Variants in SLC37A1 observed in about 807,000 individuals in gnomAD.
SLC37A1 encodes glucose-6-phosphate exchanger SLC37A1.
A neutral mutation model predicts 75.3 loss-of-function variants in SLC37A1; 49 were observed. That is an observed-to-expected ratio of 0.65 (90% CI 0.52 to 0.83). The LOEUF is 0.83. SLC37A1 is among the 40% of genes least tolerant of loss of function. The pLI, the probability that SLC37A1 is intolerant of heterozygous loss-of-function variation, is 0.00. For missense variants in SLC37A1, 566 were observed against 695.0 expected (o/e 0.81, Z 2.09); for synonymous variants, 268 against 292.1 (o/e 0.92, Z 0.84).
rs1374348677 is a variant in SLC37A1 at position 42,547,066 on chromosome 21, T to C, written c.731-37T>C. On this transcript the variant is annotated intron_variant, in intron 8 of 19. Coordinates refer to ENST00000352133, the MANE Select transcript of SLC37A1 (RefSeq NM_001320537.2). This position sits in a 1 kb window ranked among gnomAD's most constrained non-coding sequence, Gnocchi z 6.1. ...AGCTTACTTGGCATTGCCATGGTGG[T>C]GGACCTGCTCAGCCTCACTCATGTT... 5 of 1,614,154 alleles carry C rather than the reference T, an allele frequency of 3.1e-6. No homozygotes were observed. In the South Asian group the frequency reaches 5.5e-5, roughly 18 times the overall value.
Position 42,579,813 on chromosome 21 carries a change from C to T in SLC37A1, c.1586+13C>T, listed in dbSNP as rs200383170. The stretch of plus-strand genomic sequence containing the variant: ...GGGACCAAGTTCCGTAAGTCCCACT[C>T]GGGCCCTGTCTCCGTGCGTGAAAGC... On this transcript the variant is annotated intron_variant, in intron 19 of 19. Coordinates refer to ENST00000352133, the MANE Select transcript of SLC37A1 (RefSeq NM_001320537.2). The T allele has an allele frequency of 6.2e-4, 1,004 of 1,613,742 alleles. No individual in the cohort carries two copies. The highest frequency in any genetic ancestry group is 1.0e-3 in the Admixed American group (63 of 60,006).
At position 42,543,300 on chromosome 21, in the gene SLC37A1, CAGA is replaced by C. The variant is rs2055327392; in HGVS notation, c.564-133_564-131del. ...TGAGCATCGCGAGTCCTGCATGGCA[CAGA>C]AGCAGGGTCTGCATGGCCCCCCGTT... On this transcript the variant is annotated intron_variant, in intron 7 of 19. Transcript: ENST00000352133. The C allele has an allele frequency of 3.4e-5, 34 of 993,574 alleles. No homozygotes were observed. In the East Asian group the frequency reaches 8.1e-4, roughly 24 times the overall value. The allele number at this position is 993,574 out of a possible 1,614,324, so 61.5% of individuals were successfully genotyped here. A position where few individuals can be genotyped will look rare whatever the true frequency, so the allele number is the denominator to read the frequency against.
At chr21:42,513,104 C>A (rs975793424), upstream of SLC37A1, among the ~76,000 whole-genome samples, 1 of 152,214 alleles carries the variant, frequency 6.6e-6, no homozygotes, top group Non-Finnish European at 1.5e-5. Flanking sequence ...GGGCTGGGAG[C>A]CCCCTCTGCT....
upstream of SLC37A1, among the ~76,000 whole-genome samples, chr21:42,511,191 G>C (rs1203843101): frequency 1.3e-5 from 2 of 152,146 alleles, no homozygotes; most frequent in Admixed American, 1.3e-4. Context: ...GAGGAAAATT[G>C]GAAAATTCAC....
intron 14 of SLC37A1, 41 bp from the exon 15 acceptor site, chr21:42,565,786 C>A (rs1190738036): frequency 5.0e-6 from 8 of 1,589,816 alleles, no homozygotes; most frequent in South Asian, 1.1e-5. Flanking sequence ...GCACTGCTTG[C>A]AGCCAGCCAT....
At position 42,559,091 on chromosome 21, in the gene SLC37A1, T is replaced by G; in HGVS notation, c.981+2T>G. 4 of 1,610,348 alleles carry G rather than the reference T, an allele frequency of 2.5e-6. No homozygotes were observed. The highest frequency in any genetic ancestry group is 3.4e-6 in the Non-Finnish European group (4 of 1,178,228). ...TTCACAGGGGCCTTGAAAATTCCAG[T>G]AAGTAAACGTGCCCAGGAGGAGTTT... On this transcript the variant is annotated splice_donor_variant, in intron 11 of 19. Transcript: ENST00000352133. LOFTEE classifies it high-confidence loss of function.
intron 1 of SLC37A1, among the ~76,000 whole-genome samples, chr21:42,500,273 GTA>G (rs1338174809): frequency 3.3e-5 from 5 of 152,152 alleles, no homozygotes; most frequent in Non-Finnish European, 5.9e-5. Flanking sequence ...ACATATTAGA[GTA>G]TATAGATAGA....
intron 1 of SLC37A1, among the ~76,000 whole-genome samples, chr21:42,500,461 A>G (rs542766103): frequency 6.6e-6 from 1 of 152,322 alleles, no homozygotes; most frequent in South Asian, 2.1e-4. Flanking sequence ...AAAATTAGAT[A>G]TTCATAATGA....
At chr21:42,527,695 C>T (rs2054834119) in intron 3 of SLC37A1, among the ~76,000 whole-genome samples, 1 of 152,176 alleles carries the variant, frequency 6.6e-6, no homozygotes, top group Non-Finnish European at 1.5e-5. Context: ...CCTACTCATC[C>T]TCTCTGTGCC....
intron 16 of SLC37A1, 109 bp downstream of exon 16, chr21:42,567,167 T>A (rs889116197): frequency 4.2e-5 from 48 of 1,146,566 alleles, no homozygotes; most frequent in Non-Finnish European, 5.8e-5. Context: ...CAGAAGCACG[T>A]TTTTGGCAGC....
chr21:42,547,186 C>T lies in SLC37A1; in HGVS notation c.768+46C>T. On this transcript the variant is annotated intron_variant, in intron 9 of 19. Transcript: ENST00000352133. This position sits in a 1 kb window ranked among gnomAD's most constrained non-coding sequence, Gnocchi z 6.1. ...TCCTTTTCTAGAACAGTGTGCGGTTCTGACCACTTCCCCAGCCTGCTCCTG... is the reference window on the plus strand; with the variant it reads ...TCCTTTTCTAGAACAGTGTGCGGTTTTGACCACTTCCCCAGCCTGCTCCTG... 6.2e-7 allele frequency: 1 copy of T among 1,609,398 alleles called. No homozygotes were observed. The highest frequency in any genetic ancestry group is 8.5e-7 in the Non-Finnish European group (1 of 1,175,700).
intron 11 of SLC37A1, among the ~76,000 whole-genome samples, chr21:42,561,208 T>C (rs2055819560): frequency 6.6e-6 from 1 of 152,270 alleles, no homozygotes; most frequent in African/African-American, 2.4e-5. Flanking sequence ...TGATTTCCAG[T>C]GCACAGACGG....
chr21:42,535,872 A>G (rs1423889583), intron 5 of SLC37A1, among the ~76,000 whole-genome samples: 1 of 152,238 alleles, frequency 6.6e-6, no homozygotes, highest in Non-Finnish European at 1.5e-5. Context: ...GTGGTCATTC[A>G]GGAACAGAGG....
chr21:42,564,219 T>C (rs2055912193), intron 13 of SLC37A1, among the ~76,000 whole-genome samples: 1 of 12,158 alleles, frequency 8.2e-5, no homozygotes, highest in Admixed American at 1.3e-3. Flanking sequence ...AAGACCCCTC[T>C]CTACAAAAAA....
At chr21:42,513,725 C>CGCCGGG (rs997352100), upstream of SLC37A1, among the ~76,000 whole-genome samples, 3 of 147,334 alleles carry the variant, frequency 2.0e-5, no homozygotes, top group South Asian at 2.1e-4. Context: ...ACCCTGGGCA[C>CGCCGGG]GCCGGGGCCG....
At chr21:42,538,865 G>A (rs1405560693) in intron 5 of SLC37A1, among the ~76,000 whole-genome samples, 1 of 152,208 alleles carries the variant, frequency 6.6e-6, no homozygotes, top group African/African-American at 2.4e-5. Context: ...ACACCAAAGA[G>A]GGTAGCTGTT....
rs773743400 is a variant in SLC37A1 at position 42,547,474 on chromosome 21, C to T, written c.768+334C>T. 2 of 272,768 alleles carry T rather than the reference C, an allele frequency of 7.3e-6. No homozygotes were observed. The highest frequency in any genetic ancestry group is 4.9e-5 in the Admixed American group (1 of 20,364). The allele number at this position is 272,768 out of a possible 1,614,324, so 16.9% of individuals were successfully genotyped here. ...CCTCAGTGTGACGGGGAAAAACGCA[C>T]GTGTCAGCTGCCTGCCATCACTTAA... On this transcript the variant is annotated intron_variant, in intron 9 of 19. Transcript: ENST00000352133. This position sits in a 1 kb window ranked among gnomAD's most constrained non-coding sequence, Gnocchi z 6.1.
intron 10 of SLC37A1, among the ~76,000 whole-genome samples, chr21:42,558,031 TC>T (rs2146961970): frequency 6.6e-6 from 1 of 152,316 alleles, no homozygotes; most frequent in Non-Finnish European, 1.5e-5. Context: ...AGCCTCCACC[TC>T]CTGGGCTCAG....
chr21:42,523,638 T>G (rs117512101), intron 2 of SLC37A1, among the ~76,000 whole-genome samples: 1 of 152,268 alleles, frequency 6.6e-6, no homozygotes, highest in Non-Finnish European at 1.5e-5. Flanking sequence ...TTGGGATAAA[T>G]GATAGGCTCG....
Sources: gnomAD v4.1 joint callset for allele counts (sites outside exome capture counted in the v4.1 genomes callset) on GRCh38, gnomAD v4.1.1 for gene constraint, Gnocchi (gnomAD v3.1) non-coding constraint, MANE v1.5 for transcripts, NCBI Gene and HGNC (gene_info 2026-07-23, HGNC 2026-07-21) for gene names.